SPAG16: variants seen among roughly 807,000 people sequenced by gnomAD.
The protein encoded by SPAG16 is sperm-associated antigen 16 protein.
In SPAG16, 86 loss-of-function variants were observed where a neutral mutation model predicts 80.4. The observed-to-expected ratio is 1.07, with a 90% CI of 0.90 to 1.28. SPAG16 has a LOEUF of 1.28. SPAG16 is among the 50% of genes most tolerant of loss of function. SPAG16 has a pLI of 0.00. For synonymous variants in SPAG16, 294 were observed against 265.9 expected, an observed-to-expected ratio of 1.11 and a Z score of -1.03; for missense variants, 870 against 765.3, an observed-to-expected ratio of 1.14 and a Z score of -1.61.
intron 15 of SPAG16, among the ~76,000 whole-genome samples, chr2:214,400,977 A>G (rs548820899): frequency 6.6e-6 from 1 of 152,084 alleles, no homozygotes; most frequent in Non-Finnish European, 1.5e-5. Context: ...GCATTAATAT[A>G]CATAGTAAAA....
intron 15 of SPAG16, among the ~76,000 whole-genome samples, chr2:214,379,953 C>G (rs77378022): frequency 0.013 from 2,021 of 152,278 alleles, 46 homozygotes; most frequent in African/African-American, 0.046. Flanking sequence ...CTCCAGGAAA[C>G]AGCTCCAGAC....
At chr2:213,752,579 G>A (rs1189033421) in intron 10 of SPAG16, among the ~76,000 whole-genome samples, 1 of 152,134 alleles carries the variant, frequency 6.6e-6, no homozygotes, top group African/African-American at 2.4e-5. Context: ...CTTTTCTCAT[G>A]GTCATTTAAT....
chr2:214,345,730 T>C (rs995855509), intron 15 of SPAG16, among the ~76,000 whole-genome samples: 6 of 152,110 alleles, frequency 3.9e-5, no homozygotes, highest in African/African-American at 1.2e-4. Context: ...AGGTAACCAC[T>C]ATGCTGACTG....
intron 10 of SPAG16, among the ~76,000 whole-genome samples, chr2:213,749,271 T>C (rs988453856): frequency 6.6e-6 from 1 of 152,162 alleles, no homozygotes; most frequent in African/African-American, 2.4e-5. Context: ...AATGGTCATT[T>C]ATATTTAATA....
At chr2:213,871,605 G>A (rs760539432) in intron 11 of SPAG16, among the ~76,000 whole-genome samples, 1 of 151,856 alleles carries the variant, frequency 6.6e-6, no homozygotes, top group Non-Finnish European at 1.5e-5. Context: ...TGACCTCAAG[G>A]ACTTGCACAA....
At chr2:214,207,828 T>A (rs377118261) in intron 15 of SPAG16, among the ~76,000 whole-genome samples, 1 of 152,182 alleles carries the variant, frequency 6.6e-6, no homozygotes, top group African/African-American at 2.4e-5. Flanking sequence ...GCTTGCCAAG[T>A]CTTCTGGCTT....
chr2:214,384,474 G>C (rs984470276), intron 15 of SPAG16, among the ~76,000 whole-genome samples: 32 of 152,170 alleles, frequency 2.1e-4, no homozygotes, highest in African/African-American at 7.2e-4. Context: ...ACTGTGTTGG[G>C]TTTCAGAGTA....
At chr2:213,521,785 G>T (rs1017655796) in intron 10 of SPAG16, among the ~76,000 whole-genome samples, 1 of 152,214 alleles carries the variant, frequency 6.6e-6, no homozygotes, top group African/African-American at 2.4e-5. Flanking sequence ...TACATTTATA[G>T]TACTCCCATG....
chr2:214,040,453 C>T (rs1575935050), intron 13 of SPAG16, among the ~76,000 whole-genome samples: 1 of 152,076 alleles, frequency 6.6e-6, no homozygotes, highest in East Asian at 1.9e-4. Context: ...CTTTACCCTC[C>T]CAAAATCCCC....
At chr2:213,327,609 T>G (rs1306469702) in intron 5 of SPAG16, among the ~76,000 whole-genome samples, 2 of 152,116 alleles carry the variant, frequency 1.3e-5, no homozygotes, top group African/African-American at 4.8e-5. Flanking sequence ...ACATTTCACA[T>G]AAGATAAAAA....
intron 13 of SPAG16, among the ~76,000 whole-genome samples, chr2:214,017,118 A>G (rs1481189479): frequency 2.0e-5 from 3 of 152,162 alleles, no homozygotes; most frequent in Non-Finnish European, 2.9e-5. Context: ...CACATGTTGC[A>G]GAGATTTAAA....
At chr2:213,592,981 A>G (rs1016579058) in intron 10 of SPAG16, among the ~76,000 whole-genome samples, 9 of 152,010 alleles carry the variant, frequency 5.9e-5, no homozygotes, top group East Asian at 3.9e-4. Context: ...TTTAGTAAAT[A>G]CCACCCCCAC....
intron 9 of SPAG16, among the ~76,000 whole-genome samples, chr2:213,415,717 A>G (rs985429230): frequency 2.6e-5 from 4 of 152,178 alleles, no homozygotes; most frequent in African/African-American, 4.8e-5. Context: ...AGGAGAGGAT[A>G]TTATTAATTG....
chr2:213,435,496 C>T (rs1478942071), intron 9 of SPAG16, among the ~76,000 whole-genome samples: 1 of 152,032 alleles, frequency 6.6e-6, no homozygotes, highest in African/African-American at 2.4e-5. Flanking sequence ...CATGATATAT[C>T]CATGTAACAA....
intron 10 of SPAG16, among the ~76,000 whole-genome samples, chr2:213,668,992 C>T (rs2063719063): frequency 6.6e-6 from 1 of 152,096 alleles, no homozygotes; most frequent in Admixed American, 6.5e-5. Context: ...GAAAATAGAC[C>T]ATAATTTTTT....
chr2:214,031,628 G>GGA (rs1553699509), intron 13 of SPAG16, among the ~76,000 whole-genome samples: 1 of 140,580 alleles, frequency 7.1e-6, no homozygotes, highest in Non-Finnish European at 1.5e-5. Context: ...AAATAAACAT[G>GGA]AAAAAAAAAA....
At position 213,647,693 on chromosome 2, in the gene SPAG16, T is replaced by C. The variant is rs531357581; in HGVS notation, c.1070+157603T>C. ...GAAGGTCAGCCAGACCAGAAACTAA[T>C]GTGACATAGAGTCTCTTTTCCAATC... On this transcript the variant is annotated intron_variant, in intron 10 of 15. Coordinates refer to ENST00000331683, the MANE Select transcript of SPAG16 (RefSeq NM_024532.5). Among the ~76,000 whole-genome samples the C allele has an allele frequency of 2.0e-5, 3 of 152,340 alleles. No homozygotes were observed. The South Asian group carries it at 6.2e-4, about 32-fold the overall frequency.
At chr2:213,587,052 G>T (rs937869477) in intron 10 of SPAG16, among the ~76,000 whole-genome samples, 1 of 152,098 alleles carries the variant, frequency 6.6e-6, no homozygotes, top group Admixed American at 6.5e-5. Context: ...GGGTCTTAGC[G>T]CTCATGGCTT....
At chr2:214,326,711 C>T (rs1367990592) in intron 15 of SPAG16, among the ~76,000 whole-genome samples, 20 of 151,780 alleles carry the variant, frequency 1.3e-4, no homozygotes, top group Admixed American at 1.0e-3. Context: ...TTTGGGAGGC[C>T]GAGGCAGGCG....
Sources: gnomAD v4.1 joint callset for allele counts (sites outside exome capture counted in the v4.1 genomes callset) on GRCh38, gnomAD v4.1.1 for gene constraint, MANE v1.5 for transcripts, NCBI Gene and HGNC (gene_info 2026-07-23, HGNC 2026-07-21) for gene names.